Variants in RSPH14 observed in about 807,000 individuals in gnomAD.
RSPH14 encodes radial spoke head 14 homolog.
A neutral mutation model predicts 26.7 loss-of-function variants in RSPH14; 20 were observed. The ratio of observed to expected loss-of-function variants is 0.75; its 90% CI spans 0.53 to 1.09. The LOEUF is 1.09. Ranked by LOEUF, RSPH14 falls within the 50% of genes least tolerant of loss-of-function variation. The probability of loss-of-function intolerance (pLI) is 0.00; values close to 1 mark genes in which losing one functional copy is unlikely to be tolerated. For missense variants in RSPH14, 449 were observed against 457.2 expected, an observed-to-expected ratio of 0.98 and a Z score of 0.16; for synonymous variants, 177 against 189.3, an observed-to-expected ratio of 0.93 and a Z score of 0.53.
chr22:23,101,645 G>A (rs1247476972), intron 4 of RSPH14, among the ~76,000 whole-genome samples: 3 of 152,222 alleles, frequency 2.0e-5, no homozygotes, highest in Non-Finnish European at 4.4e-5. Context: ...GGTCTCCCAA[G>A]CAGTTCCTTC....
At chr22:23,111,615 C>A (rs1482209177) in intron 4 of RSPH14, among the ~76,000 whole-genome samples, 2 of 152,202 alleles carry the variant, frequency 1.3e-5, no homozygotes, top group African/African-American at 4.8e-5. Context: ...GGACAAACAG[C>A]TTATTTTACT....
At chr22:23,168,528 G>A in the RSPH14 span, among the ~76,000 whole-genome samples, 7 of 152,194 alleles carry the variant, frequency 4.6e-5, no homozygotes, top group Non-Finnish European at 1.0e-4. Context: ...GCCGCTTCAG[G>A]CACTGTGTGA....
chr22:23,113,289 A>G (rs2069711278), intron 4 of RSPH14, among the ~76,000 whole-genome samples: 1 of 151,994 alleles, frequency 6.6e-6, no homozygotes, highest in Non-Finnish European at 1.5e-5. Flanking sequence ...CTTCTCTCCC[A>G]CAGATCTTAC....
chr22:23,174,616 T>A, the RSPH14 span, among the ~76,000 whole-genome samples: 19 of 151,458 alleles, frequency 1.3e-4, no homozygotes, highest in East Asian at 3.7e-3. Context: ...TCAACACTCA[T>A]CAAATCGCAC....
intron 4 of RSPH14, among the ~76,000 whole-genome samples, chr22:23,073,182 G>A (rs1003685599): frequency 6.6e-6 from 1 of 152,200 alleles, no homozygotes; most frequent in Non-Finnish European, 1.5e-5. Flanking sequence ...GCAGGTGCAC[G>A]GGCACACTGG....
intron 4 of RSPH14, among the ~76,000 whole-genome samples, chr22:23,091,667 C>T (rs2068983640): frequency 6.6e-6 from 1 of 152,152 alleles, no homozygotes; most frequent in Non-Finnish European, 1.5e-5. Context: ...TACATGCACA[C>T]ACACCACAGT....
At position 23,061,814 on chromosome 22, in the gene RSPH14, G is replaced by A. The variant is rs1467158340; in HGVS notation, c.785C>T (p.Thr262Ile). Residue 262 changes from threonine (T) to isoleucine (I), a missense_variant, in exon 6 of 7, where the codon ACT becomes ATT. Transcript: ENST00000216036. ...AGALMFATVI[T>I]EGKYAALEAQ... Reference sequence around the variant, plus strand: ...GGCACCCCCCACCGCCTCACCTTCAGTGATCACTGTGGCGAACATCAGGGC... The same window carrying A: ...GGCACCCCCCACCGCCTCACCTTCAATGATCACTGTGGCGAACATCAGGGC... 1.6e-5 allele frequency: 26 copies of A among 1,613,824 alleles called. No homozygotes were observed. Among genetic ancestry groups the A allele is most frequent in the Non-Finnish European group, 2.0e-5 (24 of 1,179,996 alleles).
At chr22:23,128,019 T>A (rs2070227702) in intron 4 of RSPH14, among the ~76,000 whole-genome samples, 1 of 152,110 alleles carries the variant, frequency 6.6e-6, no homozygotes, top group Admixed American at 6.5e-5. Context: ...ACAGGCCCCA[T>A]CATGCTGCTG....
chr22:23,152,925 T>C, the RSPH14 span: 10 of 796,148 alleles, frequency 1.3e-5, no homozygotes, highest in Admixed American at 2.1e-5. Context: ...CATCGCTTCC[T>C]GATGGGAAGT....
chr22:23,179,167 A>G, the RSPH14 span, among the ~76,000 whole-genome samples: 44 of 152,242 alleles, frequency 2.9e-4, no homozygotes, highest in Admixed American at 2.9e-3. Flanking sequence ...TATCTGCTCC[A>G]GATGACGCTG....
intron 4 of RSPH14, among the ~76,000 whole-genome samples, chr22:23,130,655 T>C (rs1156580256): frequency 6.6e-6 from 1 of 152,150 alleles, no homozygotes; most frequent in African/African-American, 2.4e-5. Context: ...GACAAAGGGC[T>C]GGAATCCAGG....
At chr22:23,129,065 C>T (rs2070247491) in intron 4 of RSPH14, among the ~76,000 whole-genome samples, 2 of 152,206 alleles carry the variant, frequency 1.3e-5, no homozygotes. Flanking sequence ...CCCAAGGTCA[C>T]ACGCTGGTAA....
At chr22:23,140,858 G>A (rs1189497996) in intron 1 of RSPH14, among the ~76,000 whole-genome samples, 2 of 152,298 alleles carry the variant, frequency 1.3e-5, no homozygotes, top group East Asian at 3.9e-4. Context: ...TAAGGAGGGG[G>A]CTGGTATTAT....
intron 4 of RSPH14, among the ~76,000 whole-genome samples, chr22:23,102,200 T>C (rs2069322674): frequency 6.6e-6 from 1 of 152,254 alleles, no homozygotes; most frequent in South Asian, 2.1e-4. Flanking sequence ...TCAGCCGCTC[T>C]GAGCCTGTGG....
At chr22:23,134,260 T>C (rs2070419942) in intron 3 of RSPH14, 116 bp from the exon 4 acceptor site, 4 of 720,488 alleles carry the variant, frequency 5.6e-6, no homozygotes, top group Admixed American at 5.2e-5. Context: ...TAGACCACAT[T>C]CCTCTGGCTT....
At chr22:23,124,371 G>C (rs1372533088) in intron 4 of RSPH14, 2 of 464,658 alleles carry the variant, frequency 4.3e-6, no homozygotes, top group Non-Finnish European at 8.9e-6. Context: ...TGTAAAAGTT[G>C]TTATCTGGAC....
chr22:23,152,501 G>A, the RSPH14 span: 8 of 1,614,038 alleles, frequency 5.0e-6, no homozygotes, highest in African/African-American at 2.7e-5. Context: ...CGATCTCTAC[G>A]TGGGGAAGAC....
chr22:23,072,743 G>T (rs1485284438), intron 4 of RSPH14, among the ~76,000 whole-genome samples: 3 of 151,702 alleles, frequency 2.0e-5, no homozygotes, highest in Non-Finnish European at 4.4e-5. Context: ...ATGTGACTGT[G>T]GGTTTGGGAC....
chr22:23,120,555 G>A (rs2069987617), intron 4 of RSPH14, among the ~76,000 whole-genome samples: 1 of 152,154 alleles, frequency 6.6e-6, no homozygotes, highest in Non-Finnish European at 1.5e-5. Context: ...CTGCCCAGGA[G>A]GTGATGGGCT....
Sources: gnomAD v4.1 joint callset for allele counts (sites outside exome capture counted in the v4.1 genomes callset) on GRCh38, gnomAD v4.1.1 for gene constraint, MANE v1.5 for transcripts, NCBI Gene and HGNC (gene_info 2026-07-23, HGNC 2026-07-21) for gene names.